The following ADAM22 variants were observed in gnomAD, a reference collection of about 807,000 sequenced individuals.
The protein encoded by ADAM22 is disintegrin and metalloproteinase domain-containing protein 22.
Under a neutral mutation model 144.6 loss-of-function variants are expected in ADAM22, and 65 were observed. The observed-to-expected ratio is 0.45, with a 90% CI of 0.37 to 0.55. The LOEUF is 0.55. ADAM22 is among the 20% of genes least tolerant of loss of function. ADAM22 has a pLI of 0.00. For synonymous variants in ADAM22, 391 were observed against 412.6 expected (o/e 0.95, Z 0.63); for missense variants, 974 against 1,184.9 (o/e 0.82, Z 2.61).
chr7:88,107,270 C>T (rs570359777), intron 4 of ADAM22, among the ~76,000 whole-genome samples: 23 of 138,680 alleles, frequency 1.7e-4, no homozygotes, highest in Non-Finnish European at 2.7e-4. Flanking sequence ...GGTGCCATCT[C>T]AGCTCACTGC....
intron 30 of ADAM22, among the ~76,000 whole-genome samples, chr7:88,188,260 G>A (rs1439241276): frequency 6.6e-6 from 1 of 152,102 alleles, no homozygotes; most frequent in African/African-American, 2.4e-5. Context: ...TACCCCGGAA[G>A]AGTTGATTCA....
rs1844934266 is a variant in ADAM22, at chr7:87,950,961, C to T, written c.246+15775C>T. ...TCTTTTGAGAAGTGTCTGTTCATAT[C>T]CTTTGCAAACTTTTTGATGGGGTTG... On this transcript the variant is annotated intron_variant, in intron 2 of 31. Transcript: ENST00000413139. Among the ~76,000 whole-genome samples, 4 of 152,108 alleles carry T rather than the reference C, an allele frequency of 2.6e-5. No individual in the cohort carries two copies. The South Asian group carries it at 8.3e-4, about 32-fold the overall frequency.
At chr7:88,153,358 C>T (rs1298462206) in intron 21 of ADAM22, 32 bp downstream of exon 21, 1 of 1,557,914 alleles carries the variant, frequency 6.4e-7, no homozygotes, top group South Asian at 1.2e-5. Flanking sequence ...AGAATTCATC[C>T]CTTGGTCAAT....
chr7:87,991,196 T>C (rs1386428105), intron 3 of ADAM22, among the ~76,000 whole-genome samples: 4 of 152,090 alleles, frequency 2.6e-5, no homozygotes, highest in Admixed American at 6.5e-5. Context: ...GACAATCAGA[T>C]TGACTTTTTA....
rs751567619 is a variant in ADAM22 at position 88,114,666 on chromosome 7, T to G, written c.537+19T>G. 6.2e-7 allele frequency: 1 copy of G among 1,612,354 alleles called. No individual in the cohort carries two copies. The highest frequency in any genetic ancestry group is 8.5e-7 in the Non-Finnish European group (1 of 1,178,898). On this transcript the variant is annotated intron_variant, in intron 6 of 31. Transcript: ENST00000413139. ...TACTCAAGTAAGTGCTCCTTCTGTT[T>G]GTTGTGGCAAATGGAAATGTTTATG... is the stretch of plus-strand genomic sequence containing the variant.
intron 3 of ADAM22, among the ~76,000 whole-genome samples, chr7:88,037,324 C>G (rs942655620): frequency 6.6e-6 from 1 of 151,964 alleles, no homozygotes; most frequent in African/African-American, 2.4e-5. Flanking sequence ...TCAATTTTTT[C>G]TTAATGTAAT....
At chr7:88,050,974 AG>A (rs1806171006) in intron 3 of ADAM22, among the ~76,000 whole-genome samples, 1 of 152,208 alleles carries the variant, frequency 6.6e-6, no homozygotes, top group African/African-American at 2.4e-5. Flanking sequence ...GTTTTCTTCT[AG>A]GGTTTTTATG....
At chr7:88,140,869 G>A (rs1834413925) in intron 14 of ADAM22, among the ~76,000 whole-genome samples, 2 of 152,124 alleles carry the variant, frequency 1.3e-5, no homozygotes, top group Non-Finnish European at 2.9e-5. Flanking sequence ...ATCAGTGAGA[G>A]TTTTATTACT....
chr7:88,145,350 T>C (rs756310408), intron 16 of ADAM22, 65 bp from the exon 17 acceptor site: 21 of 1,506,470 alleles, frequency 1.4e-5, no homozygotes, highest in Non-Finnish European at 1.9e-5. Context: ...TTTTAGAAAA[T>C]ATCCTGTTAC....
At chr7:88,167,985 C>G in intron 24 of ADAM22, 152 bp from the exon 25 acceptor site, 1 of 649,354 alleles carries the variant, frequency 1.5e-6, no homozygotes, top group South Asian at 2.0e-5. Context: ...ATATGGATTG[C>G]TGAATTATGG....
chr7:88,173,319 CAT>C (rs1189798500), intron 26 of ADAM22, among the ~76,000 whole-genome samples: 2 of 151,994 alleles, frequency 1.3e-5, no homozygotes, highest in African/African-American at 4.8e-5. Flanking sequence ...TCTAGTCCAT[CAT>C]ATTTTGAGAG....
intron 3 of ADAM22, among the ~76,000 whole-genome samples, chr7:87,982,700 A>ATATATATATATATATATATATATT (rs1853955774): frequency 1.8e-5 from 1 of 56,078 alleles, no homozygotes; most frequent in Non-Finnish European, 3.0e-5. Context: ...TATATATATA[A>ATATATATATATATATATATATATT]TTTTTTTTTT....
Position 88,151,001 on chromosome 7 carries a change from A to G in ADAM22, c.1587A>G (p.Lys529=). 1.2e-6 allele frequency: 2 copies of G among 1,613,778 alleles called. No individual in the cohort carries two copies. The highest frequency in any genetic ancestry group is 1.7e-6 in the Non-Finnish European group (2 of 1,179,814). ...CCTAGTGTGCCCCTAATATTCATAA[A>G]ATGGATGGATATTCATGTGATGGTG... ...NSSQCAPNIH[K]MDGYSCDGVQ... The change falls in exon 19 of 32, where the codon AAA becomes AAG. Residue 529 remains lysine (K), a synonymous_variant. Transcript: ENST00000413139.
intron 3 of ADAM22, among the ~76,000 whole-genome samples, chr7:88,051,299 C>T (rs1051378786): frequency 6.6e-6 from 1 of 152,160 alleles, no homozygotes; most frequent in Non-Finnish European, 1.5e-5. Flanking sequence ...TTGGAACCAA[C>T]CTAAATGTCC....
At chr7:87,971,969 T>A (rs182621910) in intron 2 of ADAM22, among the ~76,000 whole-genome samples, 1 of 152,162 alleles carries the variant, frequency 6.6e-6, no homozygotes, top group Non-Finnish European at 1.5e-5. Context: ...GGCGGGTGGA[T>A]CACGAGGTCA....
At chr7:87,993,848 TCTTAAA>T (rs1190808258) in intron 3 of ADAM22, among the ~76,000 whole-genome samples, 1 of 152,216 alleles carries the variant, frequency 6.6e-6, no homozygotes, top group African/African-American at 2.4e-5. Flanking sequence ...CTGTGATATC[TCTTAAA>T]CTTCACTGTT....
chr7:87,972,188 T>C (rs1159715143), intron 2 of ADAM22, among the ~76,000 whole-genome samples: 4 of 152,146 alleles, frequency 2.6e-5, no homozygotes, highest in African/African-American at 9.7e-5. Context: ...AAAACCCCAT[T>C]GTCTCAGCCC....
At chr7:88,166,915 G>C (rs111762013) in intron 24 of ADAM22, among the ~76,000 whole-genome samples, 83 of 152,194 alleles carry the variant, frequency 5.5e-4, no homozygotes, top group Non-Finnish European at 7.4e-4. Flanking sequence ...AAAAAGGAAG[G>C]GGGGGCAGAC....
At chr7:88,165,543 A>G (rs1172271916) in intron 23 of ADAM22, among the ~76,000 whole-genome samples, 1 of 152,092 alleles carries the variant, frequency 6.6e-6, no homozygotes, top group African/African-American at 2.4e-5. Flanking sequence ...TCCTTATAAA[A>G]TTTAAGTTAG....
Sources: allele counts gnomAD v4.1 joint callset (sites outside exome capture counted in the v4.1 genomes callset), GRCh38; gene constraint gnomAD v4.1.1; transcripts MANE v1.5; gene names NCBI Gene and HGNC (gene_info 2026-07-23, HGNC 2026-07-21).